Variants in EYS observed in about 807,000 individuals in gnomAD.
The protein encoded by EYS is protein eyes shut homolog.
In EYS, 250 loss-of-function variants were observed where a neutral mutation model predicts 282.1. That is an observed-to-expected ratio of 0.89 (90% confidence interval 0.80 to 0.98). The LOEUF is 0.98. Ranked by LOEUF, EYS falls within the 50% of genes least tolerant of loss-of-function variation. The pLI is 0.00. For missense variants in EYS, 4,016 were observed against 3,709.0 expected (o/e 1.08, Z -2.15); for synonymous variants, 1,355 against 1,282.9 (o/e 1.06, Z -1.20).
chr6:63,751,466 T>C (rs572642684), intron 41 of EYS, among the ~76,000 whole-genome samples: 55 of 152,348 alleles, frequency 3.6e-4, no homozygotes, highest in African/African-American at 1.3e-3. Context: ...TAAGTGCATA[T>C]GATTTTATGT....
chr6:65,191,409 C>T (rs1765638640), intron 12 of EYS, among the ~76,000 whole-genome samples: 1 of 151,810 alleles, frequency 6.6e-6, no homozygotes, highest in African/African-American at 2.4e-5. Context: ...ACAGTAACAG[C>T]CACTCCTACA....
chr6:64,306,920 G>T, intron 30 of EYS, 50 bp downstream of exon 30: 1 of 837,224 alleles, frequency 1.2e-6, no homozygotes, highest in Non-Finnish European at 2.0e-6. Context: ...GATATCTTTT[G>T]GTGTGGTTAT....
intron 16 of EYS, among the ~76,000 whole-genome samples, chr6:64,907,261 G>A (rs1018028631): frequency 7.9e-5 from 12 of 152,050 alleles, no homozygotes; most frequent in Non-Finnish European, 1.5e-4. Flanking sequence ...TGTTGACCAA[G>A]CTGGTCTGGA....
intron 33 of EYS, among the ~76,000 whole-genome samples, chr6:64,031,271 G>A (rs751079680): frequency 3.9e-5 from 6 of 152,206 alleles, no homozygotes; most frequent in Non-Finnish European, 5.9e-5. Flanking sequence ...CGGCACCACC[G>A]GCCCTGGGCA....
intron 12 of EYS, among the ~76,000 whole-genome samples, chr6:65,199,274 G>A (rs1765843379): frequency 6.6e-6 from 1 of 152,016 alleles, no homozygotes; most frequent in African/African-American, 2.4e-5. Context: ...ACTTGAGTGG[G>A]CTTCCACTGC....
intron 40 of EYS, among the ~76,000 whole-genome samples, chr6:63,765,611 C>T (rs748238292): frequency 6.6e-6 from 1 of 151,774 alleles, no homozygotes; most frequent in African/African-American, 2.4e-5. Flanking sequence ...AATAGGGTAT[C>T]CATACCCTCA....
chr6:64,312,155 C>A (rs1769737184), intron 29 of EYS, among the ~76,000 whole-genome samples: 1 of 152,008 alleles, frequency 6.6e-6, no homozygotes, highest in Non-Finnish European at 1.5e-5. Context: ...GCCAGCACAG[C>A]CATCTGAGGT....
intron 12 of EYS, among the ~76,000 whole-genome samples, chr6:65,273,387 A>C (rs796106234): frequency 2.2e-4 from 33 of 152,276 alleles, no homozygotes; most frequent in African/African-American, 7.7e-4. Flanking sequence ...TGAGATAGAA[A>C]CTTAAAAATA....
At chr6:64,592,980 C>A in intron 25 of EYS, 137 bp downstream of exon 25, 4 of 583,112 alleles carry the variant, frequency 6.9e-6, no homozygotes, top group South Asian at 3.0e-5. Context: ...GAGTCATAAC[C>A]AATAATGCTT....
intron 26 of EYS, among the ~76,000 whole-genome samples, chr6:64,587,867 G>T (rs1185385280): frequency 6.6e-6 from 1 of 151,996 alleles, no homozygotes; most frequent in African/African-American, 2.4e-5. Flanking sequence ...GACTCCAGAA[G>T]CTGACCCGCA....
chr6:64,038,124 G>C (rs1345672535), intron 33 of EYS, among the ~76,000 whole-genome samples: 2 of 152,096 alleles, frequency 1.3e-5, no homozygotes, highest in African/African-American at 2.4e-5. Context: ...GGTTACCAGA[G>C]GCTGGGGTGG....
chr6:65,284,751 A>T (rs1019319575), intron 12 of EYS, among the ~76,000 whole-genome samples: 2 of 152,118 alleles, frequency 1.3e-5, no homozygotes, highest in African/African-American at 4.8e-5. Flanking sequence ...GGTTGTTAAC[A>T]GATGAATGGA....
Position 64,151,332 on chromosome 6 carries a change from TATATATA to T in EYS, c.6425-69337_6425-69331del, listed in dbSNP as rs1157629891. Among the ~76,000 whole-genome samples the T allele has an allele frequency of 2.3e-4, 23 of 101,700 alleles. 1 individual carries two copies. The highest frequency in any genetic ancestry group is 1.2e-3 in the African/African-American group (22 of 18,474). 66.7% of individuals were successfully genotyped at this position (101,700 alleles called of 152,430 possible). ...GTGTGTATATTTATATATATATATA[TATATATA>T]TATATATATATATATATATATATAA... is the stretch of plus-strand genomic sequence containing the variant. On this transcript the variant is annotated intron_variant, in intron 31 of 42. Coordinates refer to ENST00000503581, the MANE Select transcript of EYS (RefSeq NM_001142800.2).
intron 22 of EYS, among the ~76,000 whole-genome samples, chr6:64,697,729 G>T (rs954425283): frequency 6.6e-6 from 1 of 152,024 alleles, no homozygotes; most frequent in African/African-American, 2.4e-5. Flanking sequence ...GGATCATGAG[G>T]TCAAGAGATT....
intron 2 of EYS, among the ~76,000 whole-genome samples, chr6:65,546,354 G>T: frequency 6.6e-6 from 1 of 150,630 alleles, no homozygotes. Context: ...TTTTATATCT[G>T]GTCATTAATT....
At chr6:63,894,372 C>T (rs1223715897) in intron 35 of EYS, among the ~76,000 whole-genome samples, 1 of 152,050 alleles carries the variant, frequency 6.6e-6, no homozygotes, top group African/African-American at 2.4e-5. Flanking sequence ...ACAGAGACGT[C>T]CATGTGAAGA....
chr6:65,020,406 T>C (rs557012903), intron 13 of EYS, among the ~76,000 whole-genome samples: 4 of 152,158 alleles, frequency 2.6e-5, no homozygotes, highest in Non-Finnish European at 4.4e-5. Context: ...TGAAATCCAA[T>C]AGGGCAGTCA....
chr6:63,984,479 A>G lies in EYS; in HGVS notation c.6959T>C (p.Phe2320Ser). ...LDLQVNNKEF[F>S]IIDEARHGKN... The stretch of plus-strand genomic sequence containing the variant: ...TCCATGTCGTGCTTCATCGATGATG[A>G]AGAATTCTTTGTTGTTTACTTGAAG... The change falls in exon 35 of 43, where the codon TTC (phenylalanine) becomes TCC (serine). Residue 2320 changes from phenylalanine to serine, a missense_variant. Coordinates refer to ENST00000503581, the MANE Select transcript of EYS (RefSeq NM_001142800.2). The G allele has an allele frequency of 6.5e-7, 1 of 1,549,662 alleles. No individual in the cohort carries two copies. Among genetic ancestry groups the G allele is most frequent in the Non-Finnish European group, 8.7e-7 (1 of 1,145,506 alleles).
intron 1 of EYS, among the ~76,000 whole-genome samples, chr6:65,670,376 T>C (rs940772118): frequency 6.6e-6 from 1 of 152,100 alleles, no homozygotes; most frequent in Admixed American, 6.6e-5. Flanking sequence ...CCATTGTTGC[T>C]AGGCATGAGG....
Sources: gnomAD v4.1 joint callset for allele counts (sites outside exome capture counted in the v4.1 genomes callset) on GRCh38, gnomAD v4.1.1 for gene constraint, MANE v1.5 for transcripts, NCBI Gene and HGNC (gene_info 2026-07-23, HGNC 2026-07-21) for gene names.